Variants in HRH4 observed in about 807,000 individuals in gnomAD.
HRH4 encodes the protein histamine receptor H4.
A neutral mutation model predicts 10.4 loss-of-function variants in HRH4; 12 were observed. That is an observed-to-expected ratio of 1.15 (90% CI 0.74 to 1.87). The LOEUF is 1.87. Ranked by LOEUF, HRH4 falls within the 40% of genes most tolerant of loss-of-function variation. The pLI is 0.00. For missense variants in HRH4, 415 were observed against 453.3 expected (o/e 0.92, Z 0.77); for synonymous variants, 154 against 166.6 (o/e 0.92, Z 0.58).
rs1048857744 is a variant in HRH4, at chr18:24,464,398, G to C, written c.193+3477G>C. On this transcript the variant is annotated intron_variant, in intron 1 of 2. Coordinates refer to ENST00000256906, the MANE Select transcript of HRH4 (RefSeq NM_021624.4). ...TATTGGATCAGGGCCCCACTCTTAT[G>C]AACTGTTTTACTCTTAATTTTGTCC... Among the ~76,000 whole-genome samples, 6 of 152,192 alleles carry C rather than the reference G, an allele frequency of 3.9e-5. No individual in the cohort carries two copies. The South Asian group carries it at 1.2e-3, about 32-fold the overall frequency.
chr18:24,475,521 A>T (rs1301359700), intron 2 of HRH4, among the ~76,000 whole-genome samples: 1 of 152,140 alleles, frequency 6.6e-6, no homozygotes, highest in Non-Finnish European at 1.5e-5. Context: ...GCCACTTGGG[A>T]GGCTGAAGCA....
In HRH4 at chr18:24,477,037, G is replaced by A; in HGVS notation, c.648G>A (p.Leu216=). 1 of 1,614,204 alleles carries A rather than the reference G, an allele frequency of 6.2e-7. No homozygotes were observed. Residue 216 remains leucine (L), a synonymous_variant, in exon 3 of 3, where the codon CTG becomes CTA. Coordinates refer to ENST00000256906, the MANE Select transcript of HRH4 (RefSeq NM_021624.4). ...GTAGGTGCCAAAGCCATCCTGGACT[G>A]ACTGCTGTCTCTTCCAACATCTGTG... ...HLSRCQSHPG[L]TAVSSNICGH...
In HRH4 at chr18:24,476,789, A is replaced by G. The variant is rs995965195; in HGVS notation, c.400A>G (p.Thr134Ala). 6.2e-6 allele frequency: 10 copies of G among 1,614,144 alleles called. No homozygotes were observed. The highest frequency in any genetic ancestry group is 8.5e-6 in the Non-Finnish European group (10 of 1,180,022). Residue 134 changes from threonine to alanine, a missense_variant, in exon 3 of 3, where the codon ACT (threonine) becomes GCT (alanine). Transcript: ENST00000256906. ...TQHTGVLKIV[T>A]LMVAVWVLAF... is the part of the protein sequence containing the mutation. ...ACATACTGGGGTCTTGAAGATTGTT[A>G]CTCTGATGGTGGCCGTTTGGGTGCT... is the stretch of plus-strand genomic sequence containing the variant.
chr18:24,477,676 G>A lies in HRH4; in HGVS notation c.*114G>A. 1.5e-6 allele frequency: 1 copy of A among 649,524 alleles called. No homozygotes were observed. Among genetic ancestry groups the A allele is most frequent in the Non-Finnish European group, 2.6e-6 (1 of 391,244 alleles). 40.2% of individuals were successfully genotyped at this position (649,524 alleles called of 1,614,324 possible). A position where few individuals can be genotyped will look rare whatever the true frequency, so the allele number is the denominator to read the frequency against. On this transcript the variant is annotated 3_prime_UTR_variant, in exon 3 of 3. Transcript: ENST00000256906. ...AACAGATCTGCACTTTGAAGTCAAT[G>A]GTAAATTACTCCAGTGAATAATAGC... is the stretch of plus-strand genomic sequence containing the variant.
chr18:24,476,908 C>G lies in HRH4; in HGVS notation c.519C>G (p.Tyr173Ter). ...AACCTGGATTTTTTTCGGAATGGTA[C>G]ATCCTTGCCATCACATCATTCTTGG... ...ECEPGFFSEW[Y>*]ILAITSFLEF... The change falls in exon 3 of 3, where the codon TAC becomes TAG. Residue 173 changes from tyrosine (Y) to a stop codon, truncating the protein, a stop_gained. Coordinates refer to ENST00000256906, the MANE Select transcript of HRH4 (RefSeq NM_021624.4). LOFTEE classifies it low-confidence loss of function (END_TRUNC). 1.2e-6 allele frequency: 2 copies of G among 1,614,144 alleles called. No homozygotes were observed. Among genetic ancestry groups the G allele is most frequent in the Non-Finnish European group, 1.7e-6 (2 of 1,180,030 alleles).
At position 24,470,928 on chromosome 18, in the gene HRH4, ATT is replaced by A. The variant is rs34845198; in HGVS notation, c.357+1988_357+1989del. 4.3e-5 allele frequency among the ~76,000 whole-genome samples: 6 copies of A among 140,926 alleles called. No homozygotes were observed. The Admixed American group carries it at 4.4e-4, about 10-fold the overall frequency. 92.5% of individuals were successfully genotyped at this position (140,926 alleles called of 152,430 possible). On this transcript the variant is annotated intron_variant, in intron 2 of 2. Transcript: ENST00000256906. ...AAAGGGAAGAAGTCCAGAGCAAGGG[ATT>A]TTTTTTTTTTAACCAAGTAGTGCAG...
intron 1 of HRH4, among the ~76,000 whole-genome samples, chr18:24,466,542 C>T (rs1006754097): frequency 2.0e-5 from 3 of 152,032 alleles, no homozygotes; most frequent in Non-Finnish European, 4.4e-5. Flanking sequence ...GTTATTTAAA[C>T]TACATATAAG....
chr18:24,477,096 G>A lies in HRH4; in HGVS notation c.707G>A (p.Arg236Lys). 6.2e-7 allele frequency: 1 copy of A among 1,614,206 alleles called. No homozygotes were observed. The change falls in exon 3 of 3, where the codon AGA (arginine) becomes AAA (lysine). Residue 236 changes from arginine to lysine, a missense_variant. Physicochemically the swap from Arg to Lys is conservative, Grantham distance 26. Coordinates refer to ENST00000256906, the MANE Select transcript of HRH4 (RefSeq NM_021624.4). ...HSFRGRLSSRRSLSASTEVPA... is the reference protein window; with the variant it reads ...HSFRGRLSSRKSLSASTEVPA... ...TTCAGAGGTAGACTATCTTCAAGGA[G>A]ATCTCTTTCTGCATCGACAGAAGTT... is the stretch of plus-strand genomic sequence containing the variant.
chr18:24,464,391 C>T (rs1455519930), intron 1 of HRH4, among the ~76,000 whole-genome samples: 1 of 152,128 alleles, frequency 6.6e-6, no homozygotes, highest in Non-Finnish European at 1.5e-5. Flanking sequence ...CAGGGCCCCA[C>T]TCTTATGAAC....
In HRH4 at chr18:24,477,092, AGGAGATCTCTTT is replaced by A; in HGVS notation, c.704_715del (p.Arg235_Ser239delinsThr). On this transcript the variant is annotated inframe_deletion, in exon 3 of 3. Coordinates refer to ENST00000256906, the MANE Select transcript of HRH4 (RefSeq NM_021624.4). ...CTCATTCAGAGGTAGACTATCTTCA[AGGAGATCTCTTT>A]CTGCATCGACAGAAGTTCCTGCATC... The A allele has an allele frequency of 6.2e-7, 1 of 1,614,222 alleles. No homozygotes were observed. The highest frequency in any genetic ancestry group is 8.5e-7 in the Non-Finnish European group (1 of 1,180,026).
chr18:24,462,737 A>G (rs577040013), intron 1 of HRH4, among the ~76,000 whole-genome samples: 18 of 152,344 alleles, frequency 1.2e-4, no homozygotes, highest in African/African-American at 3.1e-4. Context: ...CAGCTAACCC[A>G]TAAAGAAGTA....
At chr18:24,465,639 C>T (rs746843173) in intron 1 of HRH4, among the ~76,000 whole-genome samples, 20 of 152,106 alleles carry the variant, frequency 1.3e-4, no homozygotes, top group Non-Finnish European at 1.9e-4. Flanking sequence ...GTTCAGATTC[C>T]GTTTTTTTGC....
At chr18:24,473,109 CG>C (rs575391981) in intron 2 of HRH4, among the ~76,000 whole-genome samples, 12 of 151,848 alleles carry the variant, frequency 7.9e-5, no homozygotes, top group Non-Finnish European at 1.5e-4. Flanking sequence ...GAGCCAAGAT[CG>C]CACCACTGCA....
intron 2 of HRH4, among the ~76,000 whole-genome samples, chr18:24,472,904 C>T (rs1473884074): frequency 1.3e-5 from 2 of 152,076 alleles, no homozygotes; most frequent in African/African-American, 4.8e-5. Context: ...CCTGTAATCC[C>T]AGGGCTTTGG....
chr18:24,465,137 A>C (rs1179887979), intron 1 of HRH4, among the ~76,000 whole-genome samples: 7 of 151,590 alleles, frequency 4.6e-5, no homozygotes, highest in Admixed American at 4.6e-4. Flanking sequence ...AAAATACAAA[A>C]ATTAGCCGGG....
intron 2 of HRH4, among the ~76,000 whole-genome samples, chr18:24,472,016 ACTTT>A (rs757660539): frequency 6.6e-6 from 1 of 151,794 alleles, no homozygotes; most frequent in Non-Finnish European, 1.5e-5. Flanking sequence ...GGGAATGTAG[ACTTT>A]CTTTTTGTTT....
chr18:24,460,885 T>C lies in HRH4; in HGVS notation c.157T>C (p.Phe53Leu), dbSNP rs763901600. The C allele has an allele frequency of 3.2e-6, 5 of 1,583,840 alleles. No individual in the cohort carries two copies. In the East Asian group the frequency reaches 1.1e-4, roughly 36 times the overall value. Reference sequence around the variant, plus strand: ...AAACCTTAGACATCGAAGTAGTTATTTTTTTCTTAACTTGGCCATCTCTGA... The same window carrying C: ...AAACCTTAGACATCGAAGTAGTTATCTTTTTCTTAACTTGGCCATCTCTGA... ...DKNLRHRSSY[F>L]FLNLAISDFF... Residue 53 changes from phenylalanine to leucine, a missense_variant, in exon 1 of 3, where the codon TTT becomes CTT. Physicochemically the swap from Phe to Leu is conservative, Grantham distance 22. Transcript: ENST00000256906.
chr18:24,477,600 C>A lies in HRH4; in HGVS notation c.*38C>A. 2 of 1,400,726 alleles carry A rather than the reference C, an allele frequency of 1.4e-6. No individual in the cohort carries two copies. Among genetic ancestry groups the A allele is most frequent in the Non-Finnish European group, 9.7e-7 (1 of 1,031,996 alleles). The allele number at this position is 1,400,726 out of a possible 1,614,324, so 86.8% of individuals were successfully genotyped here. The stretch of plus-strand genomic sequence containing the variant: ...CACCTCTGTAAATTTTAGTCTCAAT[C>A]TCACCTAAATGAATCAGGTCTGCCC... On this transcript the variant is annotated 3_prime_UTR_variant, in exon 3 of 3. Transcript: ENST00000256906.
chr18:24,462,185 G>A (rs1157647920), intron 1 of HRH4, among the ~76,000 whole-genome samples: 1 of 152,204 alleles, frequency 6.6e-6, no homozygotes, highest in East Asian at 1.9e-4. Flanking sequence ...ATCTTCCTAA[G>A]GGTGAGTGAG....
Sources: allele counts gnomAD v4.1 joint callset (sites outside exome capture counted in the v4.1 genomes callset), GRCh38; gene constraint gnomAD v4.1.1; transcripts MANE v1.5; gene names NCBI Gene and HGNC (gene_info 2026-07-23, HGNC 2026-07-21).